HDAC4: variants seen among roughly 807,000 people sequenced by gnomAD.
The protein encoded by HDAC4 is histone deacetylase 4, also known as histone deacetylase A.
In HDAC4, 16 loss-of-function variants were observed where a neutral mutation model predicts 135.1. The ratio of observed to expected loss-of-function variants is 0.12; its 90% confidence interval spans 0.08 to 0.18. The LOEUF (loss-of-function observed/expected upper bound fraction) is 0.18, where lower values mean the gene tolerates loss of function less well. Among genes scored for constraint, HDAC4 ranks in the 10% least tolerant of loss-of-function variants. HDAC4 has a pLI of 1.00. For missense variants in HDAC4, 1,143 were observed against 1,511.8 expected, an observed-to-expected ratio of 0.76 and a Z score of 4.05; for synonymous variants, 685 against 653.4, an observed-to-expected ratio of 1.05 and a Z score of -0.74.
chr2:239,244,256 T>C (rs2048348602), intron 2 of HDAC4, among the ~76,000 whole-genome samples: 1 of 152,188 alleles, frequency 6.6e-6, no homozygotes, highest in Non-Finnish European at 1.5e-5. Context: ...GACTTGTCTT[T>C]TGCCTGAATA....
intron 5 of HDAC4, among the ~76,000 whole-genome samples, chr2:239,166,932 G>C (rs1559544284): frequency 6.6e-6 from 1 of 152,194 alleles, no homozygotes; most frequent in Non-Finnish European, 1.5e-5. Context: ...CCTTTACACG[G>C]ATAACATTTT....
At chr2:239,347,937 T>C (rs1003722447) in intron 2 of HDAC4, among the ~76,000 whole-genome samples, 1 of 151,586 alleles carries the variant, frequency 6.6e-6, no homozygotes, top group African/African-American at 2.4e-5. Context: ...ATCATCCCGG[T>C]GACCATAGAC....
intron 11 of HDAC4, among the ~76,000 whole-genome samples, chr2:239,127,518 C>A (rs1452093109): frequency 1.3e-5 from 2 of 152,184 alleles, no homozygotes; most frequent in East Asian, 3.8e-4. Flanking sequence ...GCAAAAGGAT[C>A]TAACGAACCC....
intron 5 of HDAC4, among the ~76,000 whole-genome samples, chr2:239,168,641 C>A (rs2043258336): frequency 6.6e-6 from 1 of 152,192 alleles, no homozygotes; most frequent in South Asian, 2.1e-4. Context: ...CTTCGTGTCC[C>A]CCGCGCCGGC....
intron 11 of HDAC4, among the ~76,000 whole-genome samples, chr2:239,131,079 C>T (rs552541387): frequency 6.6e-5 from 10 of 152,372 alleles, no homozygotes; most frequent in South Asian, 2.1e-4. Context: ...ACAGTGACCA[C>T]GTGCGGAGTG....
intron 1 of HDAC4, among the ~76,000 whole-genome samples, chr2:239,385,024 AG>A (rs1695692199): frequency 6.6e-6 from 1 of 152,184 alleles, no homozygotes; most frequent in Non-Finnish European, 1.5e-5. Context: ...TTTTGTGCAC[AG>A]GGACAGGGAC....
chr2:239,190,117 C>T, intron 3 of HDAC4, 40 bp from the exon 4 acceptor site: 2 of 1,568,166 alleles, frequency 1.3e-6, no homozygotes, highest in Non-Finnish European at 1.7e-6. Context: ...CACTGCCGCC[C>T]TTTGCTGTCC....
In HDAC4 at chr2:239,130,263, C is replaced by G. The variant is rs573526761; in HGVS notation, c.1295-3569G>C. Among the ~76,000 whole-genome samples the G allele has an allele frequency of 4.1e-4, 62 of 152,328 alleles. 1 individual carries two copies. Among genetic ancestry groups the G allele is most frequent in the Non-Finnish European group, 6.9e-4 (47 of 68,024 alleles). On this transcript the variant is annotated intron_variant, in intron 11 of 26. Coordinates refer to ENST00000543185, the MANE Select transcript of HDAC4 (RefSeq NM_001378414.1). The stretch of plus-strand genomic sequence containing the variant: ...GCCAGGCCAGGGCTGAGGACCACAG[C>G]CTCGCGTGCCAATTATAGGACATGA...
chr2:239,073,685 C>T (rs1437297952), intron 22 of HDAC4, among the ~76,000 whole-genome samples: 3 of 152,268 alleles, frequency 2.0e-5, no homozygotes, highest in Non-Finnish European at 4.4e-5. Context: ...CAAAGCATGG[C>T]GATTTCGCAA....
chr2:239,157,212 G>A (rs1337850256), intron 6 of HDAC4, among the ~76,000 whole-genome samples: 1 of 152,182 alleles, frequency 6.6e-6, no homozygotes, highest in Non-Finnish European at 1.5e-5. Flanking sequence ...CTGAGACGGG[G>A]CAAAAAACGG....
chr2:239,067,785 C>T (rs959419087), intron 23 of HDAC4, among the ~76,000 whole-genome samples: 2 of 152,216 alleles, frequency 1.3e-5, no homozygotes, highest in African/African-American at 4.8e-5. Context: ...CCTTGGCCGC[C>T]TGTGCCGACA....
intron 2 of HDAC4, among the ~76,000 whole-genome samples, chr2:239,341,063 T>A (rs1692266930): frequency 6.6e-6 from 1 of 152,202 alleles, no homozygotes; most frequent in African/African-American, 2.4e-5. Flanking sequence ...CTAAAACTCC[T>A]CATCTCTCTG....
At chr2:239,244,333 C>A (rs1188292166) in intron 2 of HDAC4, among the ~76,000 whole-genome samples, 1 of 152,176 alleles carries the variant, frequency 6.6e-6, no homozygotes, top group African/African-American at 2.4e-5. Flanking sequence ...TTGGCCTGCA[C>A]CAAACTGGCA....
chr2:239,054,438 C>T (rs1049121849), intron 25 of HDAC4, among the ~76,000 whole-genome samples: 3 of 152,082 alleles, frequency 2.0e-5, no homozygotes, highest in African/African-American at 7.2e-5. Context: ...ACAGCCATGG[C>T]CCCCGCTGCT....
intron 11 of HDAC4, 124 bp downstream of exon 11, chr2:239,134,121 T>C (rs2040784096): frequency 2.1e-5 from 16 of 755,922 alleles, no homozygotes; most frequent in South Asian, 2.0e-4. Context: ...GATGTGTGTT[T>C]GGGAACTGTG....
rs533452796 is a variant in HDAC4, at chr2:239,134,960, G to A, written c.979-317C>T. ...TTAGAAGGAAATCTAGGCTAATATA[G>A]TTTACAATGCCGTTTTGCAGTTTCT... is the stretch of plus-strand genomic sequence containing the variant. On this transcript the variant is annotated intron_variant, in intron 9 of 26. Coordinates refer to ENST00000543185, the MANE Select transcript of HDAC4 (RefSeq NM_001378414.1). 2.6e-5 allele frequency among the ~76,000 whole-genome samples: 4 copies of A among 152,292 alleles called. No homozygotes were observed. In the East Asian group the frequency reaches 7.7e-4, roughly 29 times the overall value.
chr2:239,214,965 A>G (rs1371166541), intron 3 of HDAC4, among the ~76,000 whole-genome samples: 1 of 152,170 alleles, frequency 6.6e-6, no homozygotes, highest in Non-Finnish European at 1.5e-5. Flanking sequence ...CCTGCTTTCA[A>G]ACTTGCTGAG....
At chr2:239,075,609 C>G (rs545694762) in intron 22 of HDAC4, among the ~76,000 whole-genome samples, 1 of 152,214 alleles carries the variant, frequency 6.6e-6, no homozygotes, top group African/African-American at 2.4e-5. Flanking sequence ...GGGGAGAGAG[C>G]GGCTTCTCCT....
rs374543582 is a variant in HDAC4, at chr2:239,183,150, T to C, written c.340-6587A>G. Reference sequence around the variant, plus strand: ...CTAAGAAAAGCAAAAACAAAACCAATCATAGCTGATCCTATTACTCTAACC... The same window carrying C: ...CTAAGAAAAGCAAAAACAAAACCAACCATAGCTGATCCTATTACTCTAACC... On this transcript the variant is annotated intron_variant, in intron 4 of 26. Coordinates refer to ENST00000543185, the MANE Select transcript of HDAC4 (RefSeq NM_001378414.1). Among the ~76,000 whole-genome samples, 27 of 152,262 alleles carry C rather than the reference T, an allele frequency of 1.8e-4. 1 individual carries two copies. In the East Asian group the frequency reaches 3.5e-3, roughly 20 times the overall value.
Sources: allele counts gnomAD v4.1 joint callset (sites outside exome capture counted in the v4.1 genomes callset), GRCh38; gene constraint gnomAD v4.1.1; transcripts MANE v1.5; gene names NCBI Gene and HGNC (gene_info 2026-07-23, HGNC 2026-07-21).